Variants in SRC observed in about 807,000 individuals in gnomAD.
SRC encodes SRC proto-oncogene, non-receptor tyrosine kinase, also known as proto-oncogene tyrosine-protein kinase Src.
In SRC, 13 loss-of-function variants were observed where a neutral mutation model predicts 62.9. That is an observed-to-expected ratio of 0.21 (90% CI 0.13 to 0.33). SRC has a LOEUF of 0.33. SRC is among the 10% of genes least tolerant of loss of function. The probability of loss-of-function intolerance (pLI) is 1.00; values close to 1 mark genes in which losing one functional copy is unlikely to be tolerated. For missense variants in SRC, 457 were observed against 737.3 expected, an observed-to-expected ratio of 0.62 and a Z score of 4.40; for synonymous variants, 302 against 317.5, an observed-to-expected ratio of 0.95 and a Z score of 0.52.
chr20:37,368,518 C>CTTTTTTATTTTTTTGTTTTTTTTTGTTTT (rs2070101473), intron 2 of SRC, among the ~76,000 whole-genome samples: 1 of 73,898 alleles, frequency 1.4e-5, no homozygotes, highest in African/African-American at 4.3e-5. Context: ...CCTATATTTT[C>CTTTTTTATTTTTTTGTTTTTTTTTGTTTT]TTTTTTTTTT....
Position 37,405,350 on chromosome 20 carries a change from G to GT in SRC, c.*1971_*1972insT, listed in dbSNP as rs1317572231. The GT allele has an allele frequency of 2.0e-5, 4 of 199,398 alleles. No homozygotes were observed. The highest frequency in any genetic ancestry group is 1.0e-4 in the African/African-American group (4 of 39,908). 12.4% of individuals were successfully genotyped at this position (199,398 alleles called of 1,614,324 possible). A position where few individuals can be genotyped will look rare whatever the true frequency, so the allele number is the denominator to read the frequency against. ...TCCAAGGCCCAGACTTGCGGGGGGT[G>GT]GGGGGGTATCCAGAATTGGTTGTAA... On this transcript the variant is annotated 3_prime_UTR_variant, in exon 14 of 14. Coordinates refer to ENST00000373578, the MANE Select transcript of SRC (RefSeq NM_198291.3).
At chr20:37,368,522 TTTTTTTTTTTTTTTTTTTTTTG>T (rs1568625159) in intron 2 of SRC, among the ~76,000 whole-genome samples, 7 of 126,440 alleles carry the variant, frequency 5.5e-5, no homozygotes, top group Non-Finnish European at 1.1e-4. Context: ...TATTTTCTTT[TTTTTTTTTTTTTTTTTTTTTTG>T]TTTTTTTTTT....
intron 5 of SRC, among the ~76,000 whole-genome samples, chr20:37,388,818 T>G (rs1260184363): frequency 1.4e-5 from 2 of 143,100 alleles, no homozygotes; most frequent in African/African-American, 2.5e-5. Flanking sequence ...GGAAAGGGAT[T>G]TGGGGGGCGG....
rs1021005087 is a variant in SRC at position 37,403,172 on chromosome 20, G to A, written c.1404G>A (p.Gly468=). ...LTTKGRVPYP[G]MVNREVLDQV... is the part of the protein sequence containing the mutation. Reference sequence around the variant, plus strand: ...CCCCATGCCTCGCTCTGCCCACAGGGATGGTGAACCGCGAGGTGCTGGACC... The same window carrying A: ...CCCCATGCCTCGCTCTGCCCACAGGAATGGTGAACCGCGAGGTGCTGGACC... Residue 468 remains glycine (G), a splice_region_variant and synonymous_variant, in exon 14 of 14, where the codon GGG becomes GGA. Transcript: ENST00000373578. This position sits in a 1 kb window ranked among gnomAD's most constrained non-coding sequence, Gnocchi z 7.1. 2 of 1,540,364 alleles carry A rather than the reference G, an allele frequency of 1.3e-6. No homozygotes were observed. The highest frequency in any genetic ancestry group is 1.7e-6 in the Non-Finnish European group (2 of 1,146,950).
At chr20:37,378,310 AT>A (rs1246386189) in intron 2 of SRC, among the ~76,000 whole-genome samples, 1 of 151,562 alleles carries the variant, frequency 6.6e-6, no homozygotes, top group African/African-American at 2.4e-5. Context: ...CTACAGGCTA[AT>A]TTTTAATCTT....
chr20:37,402,820 G>T lies in SRC; in HGVS notation c.1342G>T (p.Val448Leu), dbSNP rs1056084684. ...LYGRFTIKSD[V>L]WSFGILLTEL... is the part of the protein sequence containing the mutation. ...TGGCCGCTTCACCATCAAGTCGGAC[G>T]TGTGGTCCTTCGGGATCCTGCTGAC... The change falls in exon 13 of 14, where the codon GTG (valine) becomes TTG (leucine). Residue 448 changes from valine to leucine, a missense_variant. By Grantham distance (32) the Val-to-Leu change is conservative. Coordinates refer to ENST00000373578, the MANE Select transcript of SRC (RefSeq NM_198291.3). The surrounding 1 kb of genome is among the most constrained non-coding windows in gnomAD (Gnocchi z 6.2). 6.2e-7 allele frequency: 1 copy of T among 1,614,084 alleles called. No individual in the cohort carries two copies. Among genetic ancestry groups the T allele is most frequent in the South Asian group, 1.1e-5 (1 of 91,072 alleles).
chr20:37,378,168 T>TA (rs1447556050), intron 2 of SRC, among the ~76,000 whole-genome samples: 1 of 147,430 alleles, frequency 6.8e-6, no homozygotes, highest in African/African-American at 2.5e-5. Flanking sequence ...TCTCTTTTTT[T>TA]TTTTTTTTTT....
At chr20:37,373,868 T>C (rs531883877) in intron 2 of SRC, among the ~76,000 whole-genome samples, 1 of 152,328 alleles carries the variant, frequency 6.6e-6, no homozygotes, top group South Asian at 2.1e-4. Flanking sequence ...GATGTGCCAA[T>C]AGCACACAGT....
intron 3 of SRC, among the ~76,000 whole-genome samples, chr20:37,383,465 C>T (rs1376181051): frequency 6.6e-6 from 1 of 152,152 alleles, no homozygotes; most frequent in Non-Finnish European, 1.5e-5. Context: ...CTCAATGAGC[C>T]CCCTCCATGT....
intron 2 of SRC, among the ~76,000 whole-genome samples, chr20:37,375,550 T>G (rs559051864): frequency 2.9e-4 from 44 of 152,072 alleles, no homozygotes; most frequent in Middle Eastern, 3.4e-3. Flanking sequence ...ATTTTTGTGT[T>G]TTTTTTTAGA....
rs1403142383 is a variant in SRC at position 37,403,407 on chromosome 20, G to T, written c.*28G>T. On this transcript the variant is annotated 3_prime_UTR_variant, in exon 14 of 14. Transcript: ENST00000373578. The surrounding 1 kb of genome is among the most constrained non-coding windows in gnomAD (Gnocchi z 7.1). ...ACAGGCGGGCCCAGACCGGCTTCTC[G>T]GCTTGGATCCTGGGCTGGGTGGCCC... 6.5e-7 allele frequency: 1 copy of T among 1,543,332 alleles called. No homozygotes were observed.
rs1216510671 is a variant in SRC, at chr20:37,397,402, A to T, written c.704-297A>T. On this transcript the variant is annotated intron_variant, in intron 8 of 13. Coordinates refer to ENST00000373578, the MANE Select transcript of SRC (RefSeq NM_198291.3). This position sits in a 1 kb window ranked among gnomAD's most constrained non-coding sequence, Gnocchi z 4.1. ...TTAGGGAAGTGGGGCTCCTCCCTGG[A>T]CTCTGAGTTCCTGAGGGCAGGTTCC... 1.3e-5 allele frequency among the ~76,000 whole-genome samples: 2 copies of T among 151,776 alleles called. No homozygotes were observed. Among genetic ancestry groups the T allele is most frequent in the Non-Finnish European group, 2.9e-5 (2 of 67,924 alleles).
Position 37,402,316 on chromosome 20 carries a change from C to A in SRC, c.1117-119C>A. ...ATTTACTGTGAACTGACCTCACTTG[C>A]CTGAAGAAGTGTGGGGAGGGTGGGG... On this transcript the variant is annotated intron_variant, in intron 11 of 13. Coordinates refer to ENST00000373578, the MANE Select transcript of SRC (RefSeq NM_198291.3). This position sits in a 1 kb window ranked among gnomAD's most constrained non-coding sequence, Gnocchi z 6.2. The A allele has an allele frequency of 7.8e-7, 1 of 1,275,150 alleles. No individual in the cohort carries two copies. The highest frequency in any genetic ancestry group is 1.4e-5 in the South Asian group (1 of 70,446). 79.0% of individuals were successfully genotyped at this position (1,275,150 alleles called of 1,614,324 possible). A position where few individuals can be genotyped will look rare whatever the true frequency, so the allele number is the denominator to read the frequency against.
chr20:37,388,643 G>A (rs538435475), intron 5 of SRC, among the ~76,000 whole-genome samples: 8 of 152,348 alleles, frequency 5.3e-5, no homozygotes, highest in African/African-American at 1.9e-4. Flanking sequence ...AGCTACTCAG[G>A]AGGCTGAGGC....
intron 2 of SRC, among the ~76,000 whole-genome samples, chr20:37,372,708 G>A (rs533778845): frequency 3.3e-5 from 5 of 151,874 alleles, no homozygotes; most frequent in Non-Finnish European, 7.4e-5. Context: ...GTGAGGTTGA[G>A]CATCTTGTCA....
intron 1 of SRC, among the ~76,000 whole-genome samples, chr20:37,348,045 C>G (rs2069748745): frequency 6.6e-6 from 1 of 152,200 alleles, no homozygotes; most frequent in Non-Finnish European, 1.5e-5. Context: ...TGTCACCTCT[C>G]TCAGCTGACT....
Position 37,404,732 on chromosome 20 carries a change from A to G in SRC, c.*1353A>G, listed in dbSNP as rs1274422016. 1 of 233,342 alleles carries G rather than the reference A, an allele frequency of 4.3e-6. No homozygotes were observed. Among genetic ancestry groups the G allele is most frequent in the Non-Finnish European group, 8.5e-6 (1 of 118,080 alleles). 14.5% of individuals were successfully genotyped at this position (233,342 alleles called of 1,614,324 possible). ...GTCCAGGCCCTGTGGCAGGACACACATGGTGAGCCTAGCCCTGGGACATCA... is the reference window on the plus strand; with the variant it reads ...GTCCAGGCCCTGTGGCAGGACACACGTGGTGAGCCTAGCCCTGGGACATCA... On this transcript the variant is annotated 3_prime_UTR_variant, in exon 14 of 14. Transcript: ENST00000373578.
intron 1 of SRC, among the ~76,000 whole-genome samples, chr20:37,358,617 G>A (rs1292060643): frequency 6.6e-6 from 1 of 152,248 alleles, no homozygotes; most frequent in African/African-American, 2.4e-5. Context: ...CCATTGGGAA[G>A]GGATCCAGTC....
intron 9 of SRC, among the ~76,000 whole-genome samples, chr20:37,399,763 C>T (rs908335399): frequency 6.6e-6 from 1 of 152,172 alleles, no homozygotes; most frequent in East Asian, 1.9e-4. Context: ...CCAGGCTGGT[C>T]TTGAACTCCT....
Sources: allele counts gnomAD v4.1 joint callset (sites outside exome capture counted in the v4.1 genomes callset), GRCh38; gene constraint gnomAD v4.1.1; non-coding constraint Gnocchi (gnomAD v3.1); transcripts MANE v1.5; gene names NCBI Gene and HGNC (gene_info 2026-07-23, HGNC 2026-07-21).